Variants in MTMR3 observed in about 807,000 individuals in gnomAD.
MTMR3 encodes phosphatidylinositol-3,5-bisphosphate 3-phosphatase MTMR3.
A neutral mutation model predicts 132.4 loss-of-function variants in MTMR3; 32 were observed. That is an observed-to-expected ratio of 0.24 (90% CI 0.18 to 0.32). MTMR3 has a LOEUF of 0.32. Among genes scored for constraint, MTMR3 ranks in the 10% least tolerant of loss-of-function variants. The probability of loss-of-function intolerance (pLI) is 1.00; values close to 1 mark genes in which losing one functional copy is unlikely to be tolerated. For synonymous variants in MTMR3, 556 were observed against 550.3 expected, an observed-to-expected ratio of 1.01 and a Z score of -0.14; for missense variants, 1,216 against 1,489.6, an observed-to-expected ratio of 0.82 and a Z score of 3.02.
chr22:29,960,883 A>G (rs2066298293), intron 2 of MTMR3, among the ~76,000 whole-genome samples: 2 of 152,170 alleles, frequency 1.3e-5, no homozygotes, highest in Non-Finnish European at 2.9e-5. Flanking sequence ...TTCTGTTTAA[A>G]AGCTTTTTTT....
At chr22:30,017,004 C>T (rs892886697) in intron 15 of MTMR3, 4 of 255,600 alleles carry the variant, frequency 1.6e-5, no homozygotes, top group South Asian at 7.2e-5. Context: ...TTCTGTCTTA[C>T]GGGAGAGGCA....
At chr22:30,012,632 C>G in intron 13 of MTMR3, 69 bp downstream of exon 13, 10 of 1,444,994 alleles carry the variant, frequency 6.9e-6, no homozygotes, top group Middle Eastern at 2.6e-4. Flanking sequence ...GGAGTGATAC[C>G]AGTTTTGGGA....
In MTMR3 at chr22:30,025,617, T is replaced by C; in HGVS notation, c.3426-13T>C. ...GCCAAAACTAACATTGTTCTGTTTCTTCTCATCTCAAGGAATTGTGGGAAC... is the reference window on the plus strand; with the variant it reads ...GCCAAAACTAACATTGTTCTGTTTCCTCTCATCTCAAGGAATTGTGGGAAC... On this transcript the variant is annotated splice_polypyrimidine_tract_variant and intron_variant, in intron 19 of 19. Transcript: ENST00000401950. The C allele has an allele frequency of 6.2e-7, 1 of 1,614,146 alleles. No homozygotes were observed. Among genetic ancestry groups the C allele is most frequent in the Non-Finnish European group, 8.5e-7 (1 of 1,179,962 alleles).
At chr22:30,009,429 G>A (rs2067354838) in intron 12 of MTMR3, 1 of 276,818 alleles carries the variant, frequency 3.6e-6, no homozygotes, top group Non-Finnish European at 6.8e-6. Context: ...TTTGTCCTGG[G>A]ACCTTTCCCT....
intron 2 of MTMR3, among the ~76,000 whole-genome samples, chr22:29,967,957 T>C (rs1473107224): frequency 6.6e-6 from 1 of 152,050 alleles, no homozygotes; most frequent in Admixed American, 6.6e-5. Context: ...ATTTTTTGTT[T>C]GTTTATCCAT....
chr22:29,940,237 C>T (rs1434005028), intron 1 of MTMR3, among the ~76,000 whole-genome samples: 1 of 152,108 alleles, frequency 6.6e-6, no homozygotes, highest in African/African-American at 2.4e-5. Context: ...CACTGCACGC[C>T]AGCCTGGGGG....
chr22:29,884,254 C>G (rs532567633), intron 1 of MTMR3, among the ~76,000 whole-genome samples: 97 of 147,876 alleles, frequency 6.6e-4, no homozygotes, highest in Admixed American at 1.8e-3. Context: ...TTTCCACAAC[C>G]CAAACAAACA....
At chr22:30,012,015 C>T (rs915906031) in intron 12 of MTMR3, 2 of 170,990 alleles carry the variant, frequency 1.2e-5, no homozygotes, top group Non-Finnish European at 2.5e-5. Flanking sequence ...TTTTACATCT[C>T]AGAAGTGGCT....
At chr22:30,001,492 G>C (rs2067174346) in intron 8 of MTMR3, 1 of 152,358 alleles carries the variant, frequency 6.6e-6, no homozygotes, top group Non-Finnish European at 1.5e-5. Flanking sequence ...GGTCGAGGCT[G>C]CTGTGAGCCA....
At chr22:29,890,173 T>A (rs374353231) in intron 1 of MTMR3, among the ~76,000 whole-genome samples, 1 of 151,844 alleles carries the variant, frequency 6.6e-6, no homozygotes, top group Non-Finnish European at 1.5e-5. Flanking sequence ...CCCAAAGTGC[T>A]GGGATTACAG....
intron 1 of MTMR3, among the ~76,000 whole-genome samples, chr22:29,954,201 C>T (rs2066143189): frequency 6.6e-6 from 1 of 151,658 alleles, no homozygotes; most frequent in South Asian, 2.1e-4. Context: ...CCTGCCTCAG[C>T]CTCCCGAGTA....
At chr22:29,909,147 A>C (rs766925155) in intron 1 of MTMR3, among the ~76,000 whole-genome samples, 4 of 151,888 alleles carry the variant, frequency 2.6e-5, no homozygotes, top group Non-Finnish European at 5.9e-5. Flanking sequence ...TTTCTTGTAG[A>C]GACTGAGTAT....
intron 1 of MTMR3, among the ~76,000 whole-genome samples, chr22:29,897,339 T>C (rs1251087032): frequency 6.6e-6 from 1 of 152,174 alleles, no homozygotes; most frequent in South Asian, 2.1e-4. Context: ...CCTCCCAAAG[T>C]GCTGGGATTA....
chr22:29,917,156 A>G (rs1602468710), intron 1 of MTMR3, among the ~76,000 whole-genome samples: 1 of 152,284 alleles, frequency 6.6e-6, no homozygotes, highest in African/African-American at 2.4e-5. Context: ...GTAAATGGCT[A>G]TTTTTCATGT....
At chr22:29,911,319 CGATTG>C (rs927060575) in intron 1 of MTMR3, among the ~76,000 whole-genome samples, 2 of 151,942 alleles carry the variant, frequency 1.3e-5, no homozygotes, top group African/African-American at 4.8e-5. Flanking sequence ...TGAGGCAAGA[CGATTG>C]CTTGAGCCCA....
chr22:30,027,965 T>C lies in MTMR3; in HGVS notation c.*2164T>C, dbSNP rs760366835. On this transcript the variant is annotated 3_prime_UTR_variant, in exon 20 of 20. Transcript: ENST00000401950. Reference sequence around the variant, plus strand: ...GAGGGCCTGCTGGGAAACTGACCTTTGGCAAAGGAAAGCTACAGATAGCCT... The same window carrying C: ...GAGGGCCTGCTGGGAAACTGACCTTCGGCAAAGGAAAGCTACAGATAGCCT... The C allele has an allele frequency of 6.6e-6, 1 of 152,336 alleles. No homozygotes were observed. The highest frequency in any genetic ancestry group is 1.5e-5 in the Non-Finnish European group (1 of 68,024). 9.4% of individuals were successfully genotyped at this position (152,336 alleles called of 1,614,324 possible). A position where few individuals can be genotyped will look rare whatever the true frequency, so the allele number is the denominator to read the frequency against.
intron 18 of MTMR3, 34 bp downstream of exon 18, chr22:30,022,173 A>G: frequency 2.0e-6 from 3 of 1,529,296 alleles, no homozygotes; most frequent in South Asian, 1.1e-5. Context: ...AGTGCCATCA[A>G]TTTAACTGTT....
intron 7 of MTMR3, 162 bp downstream of exon 7, chr22:29,991,832 A>G: frequency 1.5e-6 from 1 of 660,268 alleles, no homozygotes; most frequent in Non-Finnish European, 2.3e-6. Context: ...TTAATAGAAC[A>G]TCTTTTCTGC....
At chr22:29,953,779 T>C (rs1259247940) in intron 1 of MTMR3, among the ~76,000 whole-genome samples, 1 of 152,172 alleles carries the variant, frequency 6.6e-6, no homozygotes, top group Non-Finnish European at 1.5e-5. Flanking sequence ...AGATGGAACC[T>C]AACAACCCTG....
Sources: gnomAD v4.1 joint callset for allele counts (sites outside exome capture counted in the v4.1 genomes callset) on GRCh38, gnomAD v4.1.1 for gene constraint, MANE v1.5 for transcripts, NCBI Gene and HGNC (gene_info 2026-07-23, HGNC 2026-07-21) for gene names.